The following OXSR1 variants were observed in gnomAD, a reference collection of about 807,000 sequenced individuals.
OXSR1 encodes the protein serine/threonine-protein kinase OSR1.
OXSR1 carries 24 observed loss-of-function variants against 79.8 expected under a neutral mutation model. The ratio of observed to expected loss-of-function variants is 0.30; its 90% CI spans 0.22 to 0.42. OXSR1 has a LOEUF of 0.42. OXSR1 is among the 10% of genes least tolerant of loss of function. OXSR1 has a pLI of 1.00. For missense variants in OXSR1, 430 were observed against 618.4 expected, an observed-to-expected ratio of 0.70 and a Z score of 3.23; for synonymous variants, 226 against 209.2, an observed-to-expected ratio of 1.08 and a Z score of -0.69.
chr3:38,202,919 G>A (rs1702189768), intron 4 of OXSR1, among the ~76,000 whole-genome samples: 2 of 152,158 alleles, frequency 1.3e-5, no homozygotes, highest in South Asian at 2.1e-4. Context: ...ACGAAAGGGA[G>A]TCTCCTTTCC....
intron 3 of OXSR1, among the ~76,000 whole-genome samples, chr3:38,191,977 GA>G (rs1341065554): frequency 6.6e-6 from 1 of 152,148 alleles, no homozygotes; most frequent in Non-Finnish European, 1.5e-5. Flanking sequence ...AGTTCCTACT[GA>G]AAAGGCAAGA....
chr3:38,224,657 AT>A lies in OXSR1; in HGVS notation c.792del (p.Phe264LeufsTer4). The A allele has an allele frequency of 6.3e-7, 1 of 1,591,396 alleles. No homozygotes were observed. Among genetic ancestry groups the A allele is most frequent in the Non-Finnish European group, 8.6e-7 (1 of 1,167,010 alleles). On this transcript the variant is annotated frameshift_variant, in exon 8 of 18. Transcript: ENST00000311806. LOFTEE classifies it high-confidence loss of function. Reference protein sequence around the residue: ...KEMLKKYGKSFRKMISLCLQK... With the variant: ...KEMLKKYGKSXRKMISLCLQK... ...AAATGCTGAAAAAATATGGAAAATCATTTAGAAAAATGATTTCATTGTGCCT... is the reference window on the plus strand; with the variant it reads ...AAATGCTGAAAAAATATGGAAAATCATTAGAAAAATGATTTCATTGTGCCT...
intron 3 of OXSR1, 79 bp from the exon 4 acceptor site, chr3:38,198,643 T>G (rs187549125): frequency 2.8e-6 from 3 of 1,066,966 alleles, no homozygotes; most frequent in East Asian, 4.9e-5. Flanking sequence ...AAGGTTCACA[T>G]GTGTTTTGAT....
intron 12 of OXSR1, among the ~76,000 whole-genome samples, chr3:38,244,666 T>TGTGTGTGTGCGCGC (rs748851263): frequency 1.4e-5 from 2 of 143,956 alleles, no homozygotes; most frequent in Non-Finnish European, 3.0e-5. Context: ...TGTGTGTGTG[T>TGTGTGTGTGCGCGC]GCGTGCGCAT....
intron 14 of OXSR1, among the ~76,000 whole-genome samples, chr3:38,249,197 T>G (rs1197579993): frequency 2.6e-5 from 4 of 152,124 alleles, no homozygotes; most frequent in Admixed American, 6.6e-5. Flanking sequence ...TAGATTTGAG[T>G]CCTAAGTGAG....
intron 8 of OXSR1, among the ~76,000 whole-genome samples, chr3:38,225,790 T>C (rs1395921171): frequency 1.3e-5 from 2 of 152,232 alleles, no homozygotes; most frequent in Non-Finnish European, 2.9e-5. Context: ...TTTCAGTGGG[T>C]CACTATTCAT....
At chr3:38,217,247 A>G (rs1385535715) in intron 5 of OXSR1, among the ~76,000 whole-genome samples, 1 of 152,252 alleles carries the variant, frequency 6.6e-6, no homozygotes, top group Admixed American at 6.5e-5. Flanking sequence ...TGGCCTGGCA[A>G]AAACATCTTG....
intron 4 of OXSR1, among the ~76,000 whole-genome samples, chr3:38,214,305 C>T (rs1279564268): frequency 1.3e-5 from 2 of 151,754 alleles, no homozygotes; most frequent in Non-Finnish European, 2.9e-5. Context: ...AGAATGCTTC[C>T]TGTATACTAA....
chr3:38,216,207 T>C, intron 5 of OXSR1, 56 bp downstream of exon 5: 4 of 1,068,630 alleles, frequency 3.7e-6, no homozygotes, highest in South Asian at 1.4e-5. Flanking sequence ...CCACATTACT[T>C]ATCTTTTATG....
chr3:38,249,896 T>C (rs1703220076), intron 14 of OXSR1, 70 bp from the exon 15 acceptor site: 15 of 911,584 alleles, frequency 1.6e-5, no homozygotes, highest in Middle Eastern at 3.0e-4. Flanking sequence ...GCTTTCTTAA[T>C]ATATGTTGGC....
chr3:38,180,472 T>A (rs1217563747), intron 1 of OXSR1, among the ~76,000 whole-genome samples: 1 of 152,048 alleles, frequency 6.6e-6, no homozygotes, highest in African/African-American at 2.4e-5. Flanking sequence ...GCAAACAGTG[T>A]TTTTAGGCAT....
intron 1 of OXSR1, among the ~76,000 whole-genome samples, chr3:38,174,591 C>T (rs1214643961): frequency 6.6e-6 from 1 of 151,942 alleles, no homozygotes; most frequent in African/African-American, 2.4e-5. Flanking sequence ...CAAAAACAAA[C>T]AAACAAACAC....
Position 38,227,545 on chromosome 3 carries a change from CCACACACACACACACACACA to C in OXSR1, c.837-2119_837-2100del, listed in dbSNP as rs58097834. Among the ~76,000 whole-genome samples, 406 of 138,426 alleles carry C rather than the reference CCACACACACACACACACACA, an allele frequency of 2.9e-3. 3 individuals carry two copies. The highest frequency in any genetic ancestry group is 9.4e-3 in the African/African-American group (357 of 37,958). The allele number at this position is 138,426 out of a possible 152,430, so 90.8% of individuals were successfully genotyped here. Reference sequence around the variant, plus strand: ...TCAGTATGTTTGTGTGTATGCACATCCACACACACACACACACACACACACACACACACACACACACAAAT... The same window carrying C: ...TCAGTATGTTTGTGTGTATGCACATCCACACACACACACACACACACAAAT... On this transcript the variant is annotated intron_variant, in intron 8 of 17. Coordinates refer to ENST00000311806, the MANE Select transcript of OXSR1 (RefSeq NM_005109.3).
Position 38,243,521 on chromosome 3 carries a change from C to G in OXSR1, c.1110+743C>G, listed in dbSNP as rs116540138. ...GGCTGGTTTTCCCTATTCTCATTAC[C>G]GGAGAAAGACAATCATTTCTGTGGT... On this transcript the variant is annotated intron_variant, in intron 12 of 17. Coordinates refer to ENST00000311806, the MANE Select transcript of OXSR1 (RefSeq NM_005109.3). 7.9e-5 allele frequency among the ~76,000 whole-genome samples: 12 copies of G among 152,190 alleles called. No homozygotes were observed. In the South Asian group the frequency reaches 2.5e-3, roughly 32 times the overall value.
At chr3:38,228,622 G>A (rs888788975) in intron 8 of OXSR1, among the ~76,000 whole-genome samples, 2 of 152,174 alleles carry the variant, frequency 1.3e-5, no homozygotes, top group Non-Finnish European at 2.9e-5. Flanking sequence ...CCAGGCTGGA[G>A]TACAGTGGCA....
chr3:38,178,977 A>T (rs166631), intron 1 of OXSR1, among the ~76,000 whole-genome samples: 2 of 149,916 alleles, frequency 1.3e-5, no homozygotes, highest in East Asian at 3.9e-4. Context: ...GATCCTCCCC[A>T]CCTCAGGCTC....
At chr3:38,220,158 T>C (rs1483579724) in intron 5 of OXSR1, among the ~76,000 whole-genome samples, 1 of 151,986 alleles carries the variant, frequency 6.6e-6, no homozygotes, top group Non-Finnish European at 1.5e-5. Flanking sequence ...CAGACAAGAT[T>C]ATTGTTTTTA....
intron 10 of OXSR1, among the ~76,000 whole-genome samples, chr3:38,231,588 G>C (rs935990879): frequency 6.6e-6 from 1 of 152,080 alleles, no homozygotes; most frequent in Non-Finnish European, 1.5e-5. Context: ...ACATTTTACA[G>C]TGTTTCTTTA....
chr3:38,236,022 A>G (rs1417158611), intron 10 of OXSR1, among the ~76,000 whole-genome samples: 5 of 152,202 alleles, frequency 3.3e-5, no homozygotes, highest in Admixed American at 3.3e-4. Flanking sequence ...AGAAGATGAT[A>G]CCGACAGAAT....
Sources: gnomAD v4.1 joint callset for allele counts (sites outside exome capture counted in the v4.1 genomes callset) on GRCh38, gnomAD v4.1.1 for gene constraint, MANE v1.5 for transcripts, NCBI Gene and HGNC (gene_info 2026-07-23, HGNC 2026-07-21) for gene names.